Variants in HDAC9 observed in about 807,000 individuals in gnomAD.
The protein encoded by HDAC9 is histone deacetylase 9.
A neutral mutation model predicts 139.4 loss-of-function variants in HDAC9; 41 were observed. The ratio of observed to expected loss-of-function variants is 0.29; its 90% CI spans 0.23 to 0.38. The LOEUF (loss-of-function observed/expected upper bound fraction) is 0.38. Among genes scored for constraint, HDAC9 ranks in the 10% least tolerant of loss-of-function variants. The probability of loss-of-function intolerance (pLI) is 1.00; values close to 1 mark genes in which losing one functional copy is unlikely to be tolerated. For missense variants in HDAC9, 1,147 were observed against 1,297.0 expected (o/e 0.88, Z 1.78); for synonymous variants, 517 against 476.2 (o/e 1.09, Z -1.12).
At chr7:18,160,560 G>A (rs1294899312) in intron 1 of HDAC9, among the ~76,000 whole-genome samples, 1 of 152,066 alleles carries the variant, frequency 6.6e-6, no homozygotes, top group African/African-American at 2.4e-5. Context: ...AGATATGGTG[G>A]CATGTCTAAA....
chr7:18,963,414 C>A (rs1356463173), intron 24 of HDAC9, among the ~76,000 whole-genome samples: 1 of 151,758 alleles, frequency 6.6e-6, no homozygotes, highest in Non-Finnish European at 1.5e-5. Context: ...GAGATTAAGC[C>A]CAACAAAATA....
intron 2 of HDAC9, among the ~76,000 whole-genome samples, chr7:18,525,119 C>T (rs1054278618): frequency 6.6e-6 from 1 of 151,964 alleles, no homozygotes; most frequent in Non-Finnish European, 1.5e-5. Context: ...AGTAAAGCCT[C>T]ATAGATTTCC....
chr7:18,253,398 A>G (rs1007271106), intron 2 of HDAC9, among the ~76,000 whole-genome samples: 1 of 152,174 alleles, frequency 6.6e-6, no homozygotes. Flanking sequence ...TTTTTCTCCA[A>G]AACGTTGCCA....
intron 19 of HDAC9, 125 bp from the exon 20 acceptor site, chr7:18,835,342 C>T: frequency 2.9e-6 from 3 of 1,031,386 alleles, no homozygotes; most frequent in Middle Eastern, 3.2e-4. Flanking sequence ...AAAAGAGGAA[C>T]GTAGTGAGAA....
chr7:18,984,971 G>C (rs1785215852), intron 25 of HDAC9, among the ~76,000 whole-genome samples: 1 of 152,082 alleles, frequency 6.6e-6, no homozygotes, highest in Admixed American at 6.6e-5. Flanking sequence ...TGTGATATGA[G>C]GGAATATATT....
At chr7:18,700,753 A>G (rs1783411273) in intron 12 of HDAC9, among the ~76,000 whole-genome samples, 1 of 152,130 alleles carries the variant, frequency 6.6e-6, no homozygotes, top group South Asian at 2.1e-4. Flanking sequence ...CTCTCTCCAC[A>G]TGGTTGTCAT....
intron 21 of HDAC9, among the ~76,000 whole-genome samples, chr7:18,836,847 C>T (rs938706780): frequency 6.6e-6 from 1 of 151,044 alleles, no homozygotes; most frequent in Non-Finnish European, 1.5e-5. Context: ...CATAATTTCT[C>T]GAATTTTTTA....
chr7:18,911,174 A>G lies in HDAC9; in HGVS notation c.2804-24635A>G, dbSNP rs548900930. ...TTTTTTTTTTTTTTCTGGTTTAATC[A>G]TGGTAGGTTGTATGTATCCAGAAAT... On this transcript the variant is annotated intron_variant, in intron 22 of 25. Coordinates refer to ENST00000686413, the MANE Select transcript of HDAC9 (RefSeq NM_178425.4). 4.2e-4 allele frequency among the ~76,000 whole-genome samples: 61 copies of G among 145,340 alleles called. 1 individual carries two copies. The South Asian group carries it at 0.011, about 26-fold the overall frequency.
At chr7:18,793,214 C>T (rs1792485645) in intron 16 of HDAC9, 131 bp from the exon 17 acceptor site, 1 of 672,474 alleles carries the variant, frequency 1.5e-6, no homozygotes, top group Non-Finnish European at 2.7e-6. Flanking sequence ...CCCTGCCAGC[C>T]CTTCCTCACA....
chr7:18,287,362 T>C (rs1585010903), upstream of HDAC9, among the ~76,000 whole-genome samples: 1 of 152,214 alleles, frequency 6.6e-6, no homozygotes, highest in East Asian at 1.9e-4. Context: ...CTATATACAA[T>C]AGGGGATCAA....
At chr7:18,107,232 C>G (rs899435745) in intron 1 of HDAC9, among the ~76,000 whole-genome samples, 8 of 152,058 alleles carry the variant, frequency 5.3e-5, no homozygotes, top group Non-Finnish European at 8.8e-5. Context: ...GGTAAATATC[C>G]GTTTCTTTTT....
chr7:18,698,627 T>C lies in HDAC9; in HGVS notation c.1732-28953T>C, dbSNP rs78785747. The stretch of plus-strand genomic sequence containing the variant: ...CATTGGAAGAGTGAATGGCTTTCAT[T>C]TTTCCCCTTGAAACTTCCAGTTCCT... On this transcript the variant is annotated intron_variant, in intron 12 of 25. Coordinates refer to ENST00000686413, the MANE Select transcript of HDAC9 (RefSeq NM_178425.4). 5.1e-3 allele frequency among the ~76,000 whole-genome samples: 770 copies of C among 152,256 alleles called. 10 individuals are homozygous for C. The East Asian group carries it at 0.057, about 11-fold the overall frequency.
At chr7:18,937,055 T>C (rs1015466206) in intron 23 of HDAC9, among the ~76,000 whole-genome samples, 142 of 127,652 alleles carry the variant, frequency 1.1e-3, no homozygotes, top group Non-Finnish European at 1.9e-3. Flanking sequence ...TTTTTTTTTT[T>C]CTGAGATAGA....
At chr7:18,896,175 G>A (rs1801183323) in intron 22 of HDAC9, among the ~76,000 whole-genome samples, 1 of 151,906 alleles carries the variant, frequency 6.6e-6, no homozygotes, top group Non-Finnish European at 1.5e-5. Flanking sequence ...TTCCATTAGA[G>A]TCTTATTTAT....
intron 21 of HDAC9, among the ~76,000 whole-genome samples, chr7:18,856,380 A>G (rs554428147): frequency 1.3e-5 from 2 of 152,238 alleles, no homozygotes; most frequent in East Asian, 1.9e-4. Context: ...ATCAAAATCT[A>G]TTTTGCTATT....
chr7:18,606,138 T>G (rs750663053), intron 6 of HDAC9, among the ~76,000 whole-genome samples: 1 of 152,218 alleles, frequency 6.6e-6, no homozygotes, highest in Non-Finnish European at 1.5e-5. Context: ...ATTTTCTGTA[T>G]TTTCCTATTT....
At chr7:18,797,105 C>G (rs1792868293) in intron 17 of HDAC9, among the ~76,000 whole-genome samples, 1 of 152,176 alleles carries the variant, frequency 6.6e-6, no homozygotes, top group Non-Finnish European at 1.5e-5. Flanking sequence ...ATGTAATTTA[C>G]TATTATTCTC....
At chr7:18,290,065 A>G (rs1262559125), upstream of HDAC9, 4 of 155,774 alleles carry the variant, frequency 2.6e-5, no homozygotes, top group African/African-American at 9.6e-5. Flanking sequence ...ATTGCATTAA[A>G]AAATCACTCC....
intron 25 of HDAC9, among the ~76,000 whole-genome samples, chr7:18,993,407 G>A (rs538683575): frequency 3.3e-4 from 51 of 152,246 alleles, no homozygotes; most frequent in African/African-American, 1.0e-3. Context: ...TCAAATTTTC[G>A]AAAGTAAAAC....
Sources: gnomAD v4.1 joint callset for allele counts (sites outside exome capture counted in the v4.1 genomes callset) on GRCh38, gnomAD v4.1.1 for gene constraint, MANE v1.5 for transcripts, NCBI Gene and HGNC (gene_info 2026-07-23, HGNC 2026-07-21) for gene names.